The following DCC variants were observed in gnomAD, a reference collection of about 807,000 sequenced individuals.
DCC encodes netrin receptor DCC.
A neutral mutation model predicts 172.5 loss-of-function variants in DCC; 58 were observed. That is an observed-to-expected ratio of 0.34 (90% CI 0.27 to 0.42). DCC has a LOEUF of 0.42. Among genes scored for constraint, DCC ranks in the 10% least tolerant of loss-of-function variants. The probability of loss-of-function intolerance (pLI) is 1.00; values close to 1 mark genes in which losing one functional copy is unlikely to be tolerated. For synonymous variants in DCC, 709 were observed against 644.5 expected, an observed-to-expected ratio of 1.10 and a Z score of -1.52; for missense variants, 1,740 against 1,791.0, an observed-to-expected ratio of 0.97 and a Z score of 0.51.
At chr18:53,236,162 C>T (rs1043876551) in intron 12 of DCC, among the ~76,000 whole-genome samples, 1 of 152,104 alleles carries the variant, frequency 6.6e-6, no homozygotes, top group Non-Finnish European at 1.5e-5. Context: ...AATAATTTTC[C>T]TAAATGATTA....
intron 1 of DCC, among the ~76,000 whole-genome samples, chr18:52,722,041 A>G (rs975569469): frequency 6.6e-6 from 1 of 152,190 alleles, no homozygotes; most frequent in African/African-American, 2.4e-5. Context: ...TTTATAAAAT[A>G]AATAAATAAG....
At chr18:53,023,080 A>G (rs568929788) in intron 5 of DCC, among the ~76,000 whole-genome samples, 3 of 152,042 alleles carry the variant, frequency 2.0e-5, no homozygotes, top group Non-Finnish European at 4.4e-5. Flanking sequence ...TGAAGAGTCC[A>G]ATTGAATTAT....
intron 2 of DCC, among the ~76,000 whole-genome samples, chr18:52,774,861 G>T (rs764669475): frequency 6.6e-6 from 1 of 152,214 alleles, no homozygotes; most frequent in Non-Finnish European, 1.5e-5. Flanking sequence ...ACCTTCGGCA[G>T]CTGAGCCAAA....
intron 26 of DCC, among the ~76,000 whole-genome samples, chr18:53,495,466 G>C (rs2046010255): frequency 6.6e-6 from 1 of 151,626 alleles, no homozygotes; most frequent in African/African-American, 2.4e-5. Context: ...CTGGCTTATA[G>C]AGTTTCTGCC....
At chr18:52,976,906 G>A (rs1292995168) in intron 5 of DCC, among the ~76,000 whole-genome samples, 1 of 152,146 alleles carries the variant, frequency 6.6e-6, no homozygotes, top group Non-Finnish European at 1.5e-5. Flanking sequence ...GAGATATAAT[G>A]TTTTACATTA....
intron 15 of DCC, among the ~76,000 whole-genome samples, chr18:53,382,893 C>A (rs1907876687): frequency 6.6e-6 from 1 of 152,044 alleles, no homozygotes; most frequent in African/African-American, 2.4e-5. Context: ...AGGTCACATA[C>A]AAATTTTATG....
intron 1 of DCC, among the ~76,000 whole-genome samples, chr18:52,471,044 C>T (rs113292928): frequency 5.1e-4 from 78 of 152,256 alleles, no homozygotes; most frequent in African/African-American, 1.7e-3. Context: ...ACTGTTCACA[C>T]GCTGAGAATA....
intron 26 of DCC, among the ~76,000 whole-genome samples, chr18:53,496,550 C>G (rs1485300222): frequency 6.6e-6 from 1 of 152,196 alleles, no homozygotes; most frequent in Non-Finnish European, 1.5e-5. Context: ...CAGAATGCCT[C>G]TTCTCCAAAG....
intron 2 of DCC, among the ~76,000 whole-genome samples, chr18:52,883,344 TTATTTATGTGTGTGTGTG>T (rs1475335620): frequency 7.2e-5 from 4 of 55,420 alleles, no homozygotes; most frequent in African/African-American, 1.5e-4. Context: ...ATTTATTTAT[TTATTTATGTGTGTGTGTG>T]TGTGTGTGTG....
At chr18:53,071,601 G>T (rs1260557268) in intron 7 of DCC, among the ~76,000 whole-genome samples, 2 of 152,106 alleles carry the variant, frequency 1.3e-5, no homozygotes, top group Admixed American at 6.5e-5. Context: ...AAAATATGGA[G>T]CCATATTATG....
chr18:52,402,934 G>A (rs910817976), intron 1 of DCC, among the ~76,000 whole-genome samples: 3 of 152,016 alleles, frequency 2.0e-5, no homozygotes, highest in African/African-American at 7.2e-5. Flanking sequence ...AAACAGTACA[G>A]TCAGTGTTCA....
intron 1 of DCC, among the ~76,000 whole-genome samples, chr18:52,401,864 C>G (rs1277765434): frequency 6.6e-6 from 1 of 151,862 alleles, no homozygotes; most frequent in Non-Finnish European, 1.5e-5. Context: ...AATTTTTGGC[C>G]TATTTAATTC....
At chr18:53,505,337 A>T (rs986680894) in intron 27 of DCC, 13 of 150,204 alleles carry the variant, frequency 8.7e-5, no homozygotes, top group African/African-American at 3.3e-4. Context: ...AAACAAATTA[A>T]AAAAAATAAA....
chr18:52,787,322 G>A (rs28748057), intron 2 of DCC, among the ~76,000 whole-genome samples: 6,558 of 152,138 alleles, frequency 0.043, 220 homozygotes, highest in South Asian at 0.16. Flanking sequence ...CACCTGTTAA[G>A]GTCCTTAATA....
intron 26 of DCC, among the ~76,000 whole-genome samples, chr18:53,489,895 T>C (rs2045941803): frequency 6.6e-6 from 1 of 151,892 alleles, no homozygotes; most frequent in African/African-American, 2.4e-5. Context: ...AAATGAGTTA[T>C]CCCTAGGGAA....
chr18:53,286,265 C>T (rs1417301098), intron 12 of DCC, among the ~76,000 whole-genome samples: 2 of 152,084 alleles, frequency 1.3e-5, no homozygotes, highest in Non-Finnish European at 2.9e-5. Flanking sequence ...CCACAATTCC[C>T]ACATGTTATG....
chr18:52,503,547 C>T (rs2031112197), intron 1 of DCC, among the ~76,000 whole-genome samples: 1 of 152,090 alleles, frequency 6.6e-6, no homozygotes, highest in South Asian at 2.1e-4. Flanking sequence ...TTCCTGAGTT[C>T]AGCATATTTT....
At chr18:53,203,432 G>A (rs1008574958) in intron 9 of DCC, among the ~76,000 whole-genome samples, 2 of 151,456 alleles carry the variant, frequency 1.3e-5, no homozygotes, top group African/African-American at 4.9e-5. Context: ...AATTTGTAAA[G>A]ATAAAAAAAT....
At chr18:52,644,016 A>G (rs8084814) in intron 1 of DCC, among the ~76,000 whole-genome samples, 144,110 of 151,904 alleles carry the variant, frequency 0.95, 68,860 homozygotes, top group East Asian at 1. Context: ...AGAGGAAAGG[A>G]GTGAAGATGG....
Sources: allele counts gnomAD v4.1 joint callset (sites outside exome capture counted in the v4.1 genomes callset), GRCh38; gene constraint gnomAD v4.1.1; transcripts MANE v1.5; gene names NCBI Gene and HGNC (gene_info 2026-07-23, HGNC 2026-07-21).